NOS2: variants seen among roughly 807,000 people sequenced by gnomAD.
NOS2 encodes nitric oxide synthase, inducible.
NOS2 carries 96 observed loss-of-function variants against 136.0 expected under a neutral mutation model. The observed-to-expected ratio is 0.71, with a 90% CI of 0.60 to 0.84. The LOEUF (loss-of-function observed/expected upper bound fraction) is 0.84, where lower values mean the gene tolerates loss of function less well. Among genes scored for constraint, NOS2 ranks in the 40% least tolerant of loss-of-function variants. The pLI is 0.00. For missense variants in NOS2, 1,237 were observed against 1,496.9 expected (o/e 0.83, Z 2.87); for synonymous variants, 539 against 587.5 (o/e 0.92, Z 1.20).
At chr17:27,760,493 G>T in intron 24 of NOS2, 130 bp downstream of exon 24, 1 of 1,273,486 alleles carries the variant, frequency 7.9e-7, no homozygotes, top group Non-Finnish European at 1.1e-6. Flanking sequence ...GCAGAGGCCC[G>T]CACAGGGAAG....
At chr17:27,792,649 C>T (rs574323994) in intron 2 of NOS2, among the ~76,000 whole-genome samples, 13 of 151,960 alleles carry the variant, frequency 8.6e-5, no homozygotes, top group Non-Finnish European at 1.8e-4. Context: ...CACAGCTGTG[C>T]GGGGTCCTGA....
Position 27,762,954 on chromosome 17 carries a change from C to A in NOS2, c.2644G>T (p.Val882Leu), listed in dbSNP as rs1157831596. 8 of 1,606,468 alleles carry A rather than the reference C, an allele frequency of 5.0e-6. No homozygotes were observed. Among genetic ancestry groups the A allele is most frequent in the Non-Finnish European group, 6.8e-6 (8 of 1,177,200 alleles). ...KFTNSPTFLE[V>L]LEEFPSLRVS... ...CGCAGGGACGGGAACTCCTCTAGCA[C>A]CTCCAGGAATGTGGGGCTGTTGGTG... The change falls in exon 22 of 27, where the codon GTG (valine) becomes TTG (leucine). Residue 882 changes from valine to leucine, a missense_variant. Physicochemically the swap from Val to Leu is conservative, Grantham distance 32. This residue lies in a region of NOS2 where 782 missense variants were observed against 909.9 expected (regional missense o/e 0.86). Transcript: ENST00000313735.
rs1716527678 is a variant in NOS2, at chr17:27,797,050, G to T, written c.110+1650C>A. On this transcript the variant is annotated intron_variant, in intron 2 of 26. Coordinates refer to ENST00000313735, the MANE Select transcript of NOS2 (RefSeq NM_000625.4). ...CCTGCATTCAAGCCCTTGTGCTCTG[G>T]CCTGGCTTTGCCTATCCCAGCCCCC... 2.0e-5 allele frequency among the ~76,000 whole-genome samples: 3 copies of T among 152,136 alleles called. No homozygotes were observed. The South Asian group carries it at 6.2e-4, about 32-fold the overall frequency.
Position 27,769,624 on chromosome 17 carries a change from G to GA in NOS2, c.1810-41dup, listed in dbSNP as rs757697972. The GA allele has an allele frequency of 2.6e-6, 4 of 1,534,072 alleles. No individual in the cohort carries two copies. In the South Asian group the frequency reaches 3.4e-5, roughly 13 times the overall value. The stretch of plus-strand genomic sequence containing the variant: ...AATGACAGAGTTCTCAAGCCAGGAT[G>GA]AATAAAAACACTGTTTTTTCCTTTC... On this transcript the variant is annotated intron_variant, in intron 15 of 26. Coordinates refer to ENST00000313735, the MANE Select transcript of NOS2 (RefSeq NM_000625.4).
chr17:27,787,609 G>C, intron 5 of NOS2, 69 bp downstream of exon 5: 1 of 1,181,132 alleles, frequency 8.5e-7, no homozygotes, highest in Non-Finnish European at 1.2e-6. Flanking sequence ...GGATCAGAGG[G>C]TGATGGGTAG....
intron 6 of NOS2, 145 bp downstream of exon 6, chr17:27,782,799 C>T (rs1908893517): frequency 1.3e-6 from 1 of 772,452 alleles, no homozygotes; most frequent in Non-Finnish European, 2.0e-6. Context: ...TGCCCCATCT[C>T]AACATTTGGG....
rs768154933 is a variant in NOS2, at chr17:27,766,605, G to A, written c.2168-17C>T. The stretch of plus-strand genomic sequence containing the variant: ...TGCTGAGGGCTGTGGAGGACACAGA[G>A]ACGGTGAAATGGCAAAGTGGTTCTT... On this transcript the variant is annotated splice_polypyrimidine_tract_variant and intron_variant, in intron 18 of 26. Coordinates refer to ENST00000313735, the MANE Select transcript of NOS2 (RefSeq NM_000625.4). The A allele has an allele frequency of 1.2e-5, 19 of 1,610,778 alleles. No homozygotes were observed. Among genetic ancestry groups the A allele is most frequent in the Non-Finnish European group, 1.5e-5 (18 of 1,176,932 alleles).
chr17:27,778,711 A>G lies in NOS2; in HGVS notation c.1260T>C (p.Ile420=). The change falls in exon 11 of 27, where the codon ATT becomes ATC. Residue 420 remains isoleucine, a synonymous_variant. Transcript: ENST00000313735. ...ATACCTGGAAACTATGGAGCACAGC[A>G]ATGTTGATCTCAACGACAGCCTGGT... The part of the protein sequence containing the change: ...WKDQAVVEIN[I]AVLHSFQKQN... 1 of 1,614,122 alleles carries G rather than the reference A, an allele frequency of 6.2e-7. No individual in the cohort carries two copies. The highest frequency in any genetic ancestry group is 1.1e-5 in the South Asian group (1 of 91,084).
At chr17:27,759,110 G>A (rs1307076125) in intron 25 of NOS2, 35 bp from the exon 26 acceptor site, 1 of 1,490,980 alleles carries the variant, frequency 6.7e-7, no homozygotes. Context: ...TCAGTCCTCA[G>A]CTGCTCAGGA....
At chr17:27,799,645 T>C (rs889661130) in intron 1 of NOS2, among the ~76,000 whole-genome samples, 1 of 151,992 alleles carries the variant, frequency 6.6e-6, no homozygotes, top group African/African-American at 2.4e-5. Flanking sequence ...AGAGTTCGAG[T>C]TCAGCCTGGG....
intron 2 of NOS2, among the ~76,000 whole-genome samples, chr17:27,798,125 T>C (rs1909411496): frequency 1.3e-5 from 2 of 152,048 alleles, no homozygotes; most frequent in Admixed American, 6.5e-5. Flanking sequence ...CATTTCATCC[T>C]CAGCACACTA....
At chr17:27,787,019 G>A (rs1370522340) in intron 5 of NOS2, among the ~76,000 whole-genome samples, 2 of 152,222 alleles carry the variant, frequency 1.3e-5, no homozygotes. Context: ...ATGGTCCTCA[G>A]GGAAGCCTCA....
intron 3 of NOS2, 55 bp from the exon 4 acceptor site, chr17:27,788,986 T>C: frequency 6.3e-7 from 1 of 1,585,136 alleles, no homozygotes; most frequent in Non-Finnish European, 8.6e-7. Context: ...CCCCAGGCCC[T>C]GCCTTGTCTT....
chr17:27,773,300 G>A (rs189970184), intron 12 of NOS2, 57 bp from the exon 13 acceptor site: 62 of 1,219,844 alleles, frequency 5.1e-5, no homozygotes, highest in East Asian at 4.9e-4. Flanking sequence ...GGCTCAGCTC[G>A]CGGATGCTGG....
At chr17:27,781,363 AG>A (rs1908843831) in intron 7 of NOS2, among the ~76,000 whole-genome samples, 186 bp from the exon 8 acceptor site, 1 of 152,082 alleles carries the variant, frequency 6.6e-6, no homozygotes, top group South Asian at 2.1e-4. Flanking sequence ...CACCCCCTCA[AG>A]GGGGCCTTCC....
At chr17:27,778,199 G>C (rs1597552315) in intron 11 of NOS2, among the ~76,000 whole-genome samples, 1 of 152,052 alleles carries the variant, frequency 6.6e-6, no homozygotes, top group African/African-American at 2.4e-5. Context: ...GGTCAGGGAG[G>C]CCTTCTTTTT....
At chr17:27,770,571 A>G (rs1426069227) in intron 15 of NOS2, among the ~76,000 whole-genome samples, 2 of 152,220 alleles carry the variant, frequency 1.3e-5, no homozygotes, top group East Asian at 1.9e-4. Context: ...TGGCCAGGGA[A>G]TAGTATCTAG....
At chr17:27,766,631 G>T in intron 18 of NOS2, 43 bp from the exon 19 acceptor site, 1 of 1,528,298 alleles carries the variant, frequency 6.5e-7, no homozygotes, top group South Asian at 1.1e-5. Flanking sequence ...AGTGGTTCTT[G>T]AGCGTAGGTA....
At chr17:27,785,470 C>A (rs1908992871) in intron 5 of NOS2, among the ~76,000 whole-genome samples, 2 of 152,174 alleles carry the variant, frequency 1.3e-5, no homozygotes, top group South Asian at 4.1e-4. Context: ...TTTTGAAGCA[C>A]ACACATGTCT....
Sources: allele counts gnomAD v4.1 joint callset (sites outside exome capture counted in the v4.1 genomes callset), GRCh38; gene constraint gnomAD v4.1.1; regional missense constraint gnomAD v4.1.1; transcripts MANE v1.5; gene names NCBI Gene and HGNC (gene_info 2026-07-23, HGNC 2026-07-21).